Variants in PSMA2 observed in about 807,000 individuals in gnomAD.
The protein encoded by PSMA2 is proteasome 20S subunit alpha 2, also known as proteasome subunit alpha type-2.
A neutral mutation model predicts 35.9 loss-of-function variants in PSMA2; 2 were observed. That is an observed-to-expected ratio of 0.06 (90% CI 0.02 to 0.18). The LOEUF is 0.18. PSMA2 is among the 10% of genes least tolerant of loss of function. PSMA2 has a pLI of 1.00. For synonymous variants in PSMA2, 97 were observed against 98.2 expected, an observed-to-expected ratio of 0.99 and a Z score of 0.07; for missense variants, 126 against 278.8, an observed-to-expected ratio of 0.45 and a Z score of 3.90.
rs781385272 is a variant in PSMA2 at position 42,917,550 on chromosome 7, C to T, written c.*24G>A. On this transcript the variant is annotated 3_prime_UTR_variant, in exon 8 of 8. Transcript: ENST00000223321. Reference sequence around the variant, plus strand: ...TTAAGTAGATAGATTATCTGAAATTCTGGATTTTTCAGTCACTTCATTGTT... The same window carrying T: ...TTAAGTAGATAGATTATCTGAAATTTTGGATTTTTCAGTCACTTCATTGTT... 1 of 1,549,590 alleles carries T rather than the reference C, an allele frequency of 6.5e-7. No individual in the cohort carries two copies. The highest frequency in any genetic ancestry group is 1.1e-5 in the South Asian group (1 of 88,626).
chr7:42,921,786 A>G, intron 6 of PSMA2, 72 bp downstream of exon 6: 1 of 1,235,200 alleles, frequency 8.1e-7, no homozygotes, highest in South Asian at 1.3e-5. Flanking sequence ...CCATGATATT[A>G]ATTTACTTAA....
chr7:42,932,037 G>T (rs931152411), intron 1 of PSMA2, 81 bp downstream of exon 1: 1 of 1,567,480 alleles, frequency 6.4e-7, no homozygotes, highest in South Asian at 1.1e-5. Flanking sequence ...CACCAATGCC[G>T]ACGTCAGGAT....
rs115977273 is a variant in PSMA2, at chr7:42,917,173, C to T, written c.*401G>A. 868 of 169,470 alleles carry T rather than the reference C, an allele frequency of 5.1e-3. 7 individuals carry two copies. The highest frequency in any genetic ancestry group is 0.02 in the African/African-American group (828 of 41,738). The allele number at this position is 169,470 out of a possible 1,614,324, so 10.5% of individuals were successfully genotyped here. ...TGTTCCATGAATCCGTGAAAGTCTG[C>T]AGATCCTCCCAGCTCTAGAAGCAGT... On this transcript the variant is annotated 3_prime_UTR_variant, in exon 8 of 8. Transcript: ENST00000223321.
Position 42,917,479 on chromosome 7 carries a change from A to G in PSMA2, c.*95T>C. 3.3e-6 allele frequency: 3 copies of G among 907,556 alleles called. No individual in the cohort carries two copies. Among genetic ancestry groups the G allele is most frequent in the Admixed American group, 2.1e-5 (1 of 47,316 alleles). 56.2% of individuals were successfully genotyped at this position (907,556 alleles called of 1,614,324 possible). On this transcript the variant is annotated 3_prime_UTR_variant, in exon 8 of 8. Coordinates refer to ENST00000223321, the MANE Select transcript of PSMA2 (RefSeq NM_002787.5). ...AACAGTCGATTTAAACCATGTAGAA[A>G]TAAGTATGCAAAAAGTCTGCAAAAC...
Position 42,926,637 on chromosome 7 carries a change from T to C in PSMA2, c.150A>G (p.Lys50=). ...CATCATACAGAATGGATTTCTGTTT[T>C]TTCTCAGTTGCTAATACCACACCAT... ...AANGVVLATE[K]KQKSILYDER... The change falls in exon 3 of 8, where the codon AAA becomes AAG. Residue 50 remains lysine (K), a synonymous_variant. Transcript: ENST00000223321. The C allele has an allele frequency of 1.2e-6, 2 of 1,610,870 alleles. No homozygotes were observed. The highest frequency in any genetic ancestry group is 3.3e-4 in the Middle Eastern group (2 of 6,034).
intron 6 of PSMA2, 121 bp from the exon 7 acceptor site, chr7:42,917,956 A>G (rs1786059859): frequency 1.5e-6 from 1 of 680,498 alleles, no homozygotes; most frequent in South Asian, 2.4e-5. Context: ...ACTAAATTAC[A>G]CATTCTTTTA....
intron 1 of PSMA2, among the ~76,000 whole-genome samples, chr7:42,929,579 A>G (rs542143870): frequency 2.0e-5 from 3 of 152,256 alleles, no homozygotes; most frequent in Admixed American, 6.5e-5. Flanking sequence ...CAGCATCCCT[A>G]CATGGGATAA....
At chr7:42,917,985 T>C (rs1416138605) in intron 6 of PSMA2, 150 bp from the exon 7 acceptor site, 1 of 533,532 alleles carries the variant, frequency 1.9e-6, no homozygotes, top group Non-Finnish European at 3.2e-6. Context: ...CTTGTAGCTG[T>C]CTCCAGATTA....
chr7:42,926,794 G>A lies in PSMA2; in HGVS notation c.119-126C>T, dbSNP rs73321783. The A allele has an allele frequency of 1.6e-3, 1,856 of 1,148,706 alleles. 24 individuals carry two copies. In the African/African-American group the frequency reaches 0.027, roughly 16 times the overall value. 71.2% of individuals were successfully genotyped at this position (1,148,706 alleles called of 1,614,324 possible). On this transcript the variant is annotated intron_variant, in intron 2 of 7. Coordinates refer to ENST00000223321, the MANE Select transcript of PSMA2 (RefSeq NM_002787.5). The stretch of plus-strand genomic sequence containing the variant: ...TTTAATTTATAAAACCTTTTCTTCC[G>A]GAGTCCTATTACCAAAATTACCTAA...
At chr7:42,928,417 C>A (rs1252234890) in intron 1 of PSMA2, among the ~76,000 whole-genome samples, 2 of 152,150 alleles carry the variant, frequency 1.3e-5, no homozygotes, top group Non-Finnish European at 2.9e-5. Flanking sequence ...CTAGATATCA[C>A]TCACAATTAA....
Position 42,924,739 on chromosome 7 carries a change from G to T in PSMA2, c.310C>A (p.Pro104Thr), listed in dbSNP as rs1352216696. 6.2e-7 allele frequency: 1 copy of T among 1,613,416 alleles called. No individual in the cohort carries two copies. The highest frequency in any genetic ancestry group is 1.7e-5 in the Admixed American group (1 of 60,006). Reference sequence around the variant, plus strand: ...TGTACCAGCTGAGCTGTAGGAATGGGTTCTTGGTACACAAGATAGTATTGT... The same window carrying T: ...TGTACCAGCTGAGCTGTAGGAATGGTTTCTTGGTACACAAGATAGTATTGT... ...AQQYYLVYQE[P>T]IPTAQLVQRV... Residue 104 changes from proline (P) to threonine (T), a missense_variant, in exon 4 of 8, where the codon CCC (proline) becomes ACC (threonine). Around this residue, in one of 3 missense-constraint regions of PSMA2, gnomAD observed 78 missense variants for 151.1 expected, o/e 0.52. Coordinates refer to ENST00000223321, the MANE Select transcript of PSMA2 (RefSeq NM_002787.5).
chr7:42,917,581 A>G lies in PSMA2; in HGVS notation c.698T>C (p.Ile233Thr). ...PTEVKDYLAA[I>T]A ...TTTTCAGTCACTTCATTGTTATGCTATGGCAGCCAAGTAATCCTTAACTTC... is the reference window on the plus strand; with the variant it reads ...TTTTCAGTCACTTCATTGTTATGCTGTGGCAGCCAAGTAATCCTTAACTTC... Residue 233 changes from isoleucine (I) to threonine (T), a missense_variant, in exon 8 of 8, where the codon ATA becomes ACA. By Grantham distance (89) the Ile-to-Thr change is moderately conservative. Coordinates refer to ENST00000223321, the MANE Select transcript of PSMA2 (RefSeq NM_002787.5). The G allele has an allele frequency of 6.2e-7, 1 of 1,607,476 alleles. No individual in the cohort carries two copies. Among genetic ancestry groups the G allele is most frequent in the Non-Finnish European group, 8.5e-7 (1 of 1,175,498 alleles).
chr7:42,918,395 A>T (rs1786067147), intron 6 of PSMA2: 1 of 152,240 alleles, frequency 6.6e-6, no homozygotes, highest in Non-Finnish European at 1.5e-5. Flanking sequence ...TATAATTTTT[A>T]AAACACAGAA....
intron 3 of PSMA2, among the ~76,000 whole-genome samples, chr7:42,926,155 C>G (rs567409982): frequency 6.6e-6 from 1 of 152,292 alleles, no homozygotes; most frequent in Non-Finnish European, 1.5e-5. Context: ...CTTTTGTTGC[C>G]TCATACTTTT....
chr7:42,925,588 A>C (rs1786199645), intron 3 of PSMA2, among the ~76,000 whole-genome samples: 1 of 152,240 alleles, frequency 6.6e-6, no homozygotes, highest in Non-Finnish European at 1.5e-5. Context: ...CCTGTCTCTT[A>C]AAATTTTTTT....
chr7:42,920,634 AT>A (rs1206128124), intron 6 of PSMA2: 2 of 152,234 alleles, frequency 1.3e-5, no homozygotes, highest in African/African-American at 4.8e-5. Context: ...TGTAATAACA[AT>A]GTGAAATCTT....
At chr7:42,918,828 CT>C (rs200167403) in intron 6 of PSMA2, 7 of 162,964 alleles carry the variant, frequency 4.3e-5, no homozygotes, top group Non-Finnish European at 8.0e-5. Flanking sequence ...GCCTTAGGGG[CT>C]TTTTTTTCCC....
chr7:42,921,402 T>C (rs2128673746), intron 6 of PSMA2: 1 of 152,530 alleles, frequency 6.6e-6, no homozygotes, highest in South Asian at 2.1e-4. Context: ...GATTTTTACA[T>C]AGTGCTCCAC....
chr7:42,917,801 G>C lies in PSMA2; in HGVS notation c.565C>G (p.His189Asp), dbSNP rs1786055660. The C allele has an allele frequency of 6.2e-7, 1 of 1,609,080 alleles. No homozygotes were observed. Among genetic ancestry groups the C allele is most frequent in the Non-Finnish European group, 8.5e-7 (1 of 1,176,784 alleles). ...NEDLELEDAI[H>D]TAILTLKESF... The stretch of plus-strand genomic sequence containing the variant: ...ACCTTTAGGGTTAAGATGGCTGTAT[G>C]AATGGCATCTTCAAGTTCCAGATCT... Residue 189 changes from histidine (H) to aspartate (D), a missense_variant, in exon 7 of 8, where the codon CAT (histidine) becomes GAT (aspartate). Coordinates refer to ENST00000223321, the MANE Select transcript of PSMA2 (RefSeq NM_002787.5).
Sources: allele counts gnomAD v4.1 joint callset (sites outside exome capture counted in the v4.1 genomes callset), GRCh38; gene constraint gnomAD v4.1.1; regional missense constraint gnomAD v4.1.1; transcripts MANE v1.5; gene names NCBI Gene and HGNC (gene_info 2026-07-23, HGNC 2026-07-21).